Variants in ABCA9 observed in about 807,000 individuals in gnomAD.
ABCA9 encodes the protein ATP-binding cassette sub-family A member 9.
In ABCA9, 183 loss-of-function variants were observed where a neutral mutation model predicts 205.3. That is an observed-to-expected ratio of 0.89 (90% confidence interval 0.79 to 1.01). The LOEUF is 1.01. Ranked by LOEUF, ABCA9 falls within the 50% of genes least tolerant of loss-of-function variation. The pLI is 0.00. For missense variants in ABCA9, 1,805 were observed against 1,912.4 expected (o/e 0.94, Z 1.05); for synonymous variants, 651 against 683.3 (o/e 0.95, Z 0.74).
At chr17:69,015,220 C>T (rs1417203717) in intron 22 of ABCA9, among the ~76,000 whole-genome samples, 1 of 152,178 alleles carries the variant, frequency 6.6e-6, no homozygotes, top group East Asian at 1.9e-4. Context: ...CCACCCTCTT[C>T]CATGCCCCTT....
chr17:69,072,924 A>G, the ABCA9 span, among the ~76,000 whole-genome samples: 1 of 152,200 alleles, frequency 6.6e-6, no homozygotes. Flanking sequence ...AGCAAATGGA[A>G]AGCAAATAAA....
chr17:69,009,088 T>G (rs1196268570), intron 23 of ABCA9, among the ~76,000 whole-genome samples: 2 of 152,184 alleles, frequency 1.3e-5, no homozygotes, highest in Non-Finnish European at 2.9e-5. Flanking sequence ...AATATATATT[T>G]ACAGAATGTA....
chr17:69,051,056 C>A lies in ABCA9; in HGVS notation c.71G>T (p.Trp24Leu), dbSNP rs2071885691. 6.2e-7 allele frequency: 1 copy of A among 1,613,632 alleles called. No homozygotes were observed. Among genetic ancestry groups the A allele is most frequent in the Non-Finnish European group, 8.5e-7 (1 of 1,179,778 alleles). The change falls in exon 2 of 39, where the codon TGG (tryptophan) becomes TTG (leucine). Residue 24 changes from tryptophan to leucine, a missense_variant. By Grantham distance (61) the Trp-to-Leu change is moderately conservative. Coordinates refer to ENST00000340001, the MANE Select transcript of ABCA9 (RefSeq NM_080283.4). Reference sequence around the variant, plus strand: ...CAACAAGGTCTGTCTTTTCATTCTCCATTTTTTGAGACAGTTCTTGCAGAG... The same window carrying A: ...CAACAAGGTCTGTCTTTTCATTCTCAATTTTTTGAGACAGTTCTTGCAGAG... Reference protein sequence around the residue: ...ALLCKNCLKKWRMKRQTLLEW... With the variant: ...ALLCKNCLKKLRMKRQTLLEW...
chr17:68,992,061 G>T, intron 28 of ABCA9, 114 bp downstream of exon 28: 1 of 654,386 alleles, frequency 1.5e-6, no homozygotes, highest in Non-Finnish European at 2.5e-6. Context: ...GTATATCACA[G>T]TCTTTAAAAA....
intron 37 of ABCA9, among the ~76,000 whole-genome samples, chr17:68,980,928 T>TAA (rs57616315): frequency 3.7e-4 from 47 of 126,480 alleles, no homozygotes; most frequent in African/African-American, 1.2e-3. Context: ...ATAAAAAAAC[T>TAA]AAAAAAAAAA....
intron 25 of ABCA9, among the ~76,000 whole-genome samples, chr17:68,999,188 C>T (rs1242771833): frequency 6.7e-6 from 1 of 149,384 alleles, no homozygotes; most frequent in Non-Finnish European, 1.5e-5. Context: ...AGGTTAGTTA[C>T]ATACGTATAC....
chr17:69,049,436 A>G lies in ABCA9; in HGVS notation c.151T>C (p.Leu51=). ...VLFLYLFFSN[L]HQVHDTPQMS... ...TGAGGAGTGTCATGAACTTGATGTA[A>G]ATTGGAGAAAAATAGGTACAGAAAC... The change falls in exon 3 of 39, where the codon TTA becomes CTA. Residue 51 remains leucine (L), a synonymous_variant. Transcript: ENST00000340001. 6.2e-7 allele frequency: 1 copy of G among 1,613,246 alleles called. No homozygotes were observed. The highest frequency in any genetic ancestry group is 1.1e-5 in the South Asian group (1 of 91,050).
At chr17:69,027,599 C>T (rs1467847135) in intron 13 of ABCA9, 41 bp downstream of exon 13, 1 of 1,592,034 alleles carries the variant, frequency 6.3e-7, no homozygotes, top group East Asian at 2.2e-5. Context: ...GATAAACCGT[C>T]TCTTTTTTAT....
chr17:68,980,703 G>A (rs1016886719), intron 37 of ABCA9, among the ~76,000 whole-genome samples: 3 of 145,508 alleles, frequency 2.1e-5, no homozygotes, highest in Non-Finnish European at 4.5e-5. Flanking sequence ...TCATAGGTGA[G>A]AATTGAACAA....
At chr17:68,999,702 A>G (rs2069772118) in intron 25 of ABCA9, among the ~76,000 whole-genome samples, 1 of 152,162 alleles carries the variant, frequency 6.6e-6, no homozygotes, top group African/African-American at 2.4e-5. Context: ...GAATCGCCAC[A>G]CTGACTTCCA....
chr17:69,052,572 A>G (rs375593906), intron 1 of ABCA9, among the ~76,000 whole-genome samples: 8 of 152,198 alleles, frequency 5.3e-5, no homozygotes, highest in African/African-American at 1.9e-4. Flanking sequence ...GGAGAAAAAA[A>G]AGTCCACACC....
intron 27 of ABCA9, 42 bp downstream of exon 27, chr17:68,992,974 T>C: frequency 6.8e-7 from 1 of 1,471,310 alleles, no homozygotes; most frequent in Non-Finnish European, 9.5e-7. Context: ...ACAAAAGTTG[T>C]GTTCCCTCAT....
rs2069142223 is a variant in ABCA9 at position 68,983,869 on chromosome 17, AAAGTC to A, written c.4500-25_4500-21del. On this transcript the variant is annotated intron_variant, in intron 35 of 38. Coordinates refer to ENST00000340001, the MANE Select transcript of ABCA9 (RefSeq NM_080283.4). ...ATACATCTGAAGGTAACAGAAGGAT[AAAGTC>A]AAGCAAGAAAAGAGAAAAATGTATG... 1 of 1,613,912 alleles carries A rather than the reference AAAGTC, an allele frequency of 6.2e-7. No homozygotes were observed. Among genetic ancestry groups the A allele is most frequent in the Non-Finnish European group, 8.5e-7 (1 of 1,179,934 alleles).
chr17:68,984,858 C>T (rs2069176013), intron 34 of ABCA9, 27 bp downstream of exon 34: 2 of 1,613,954 alleles, frequency 1.2e-6, no homozygotes, highest in South Asian at 1.1e-5. Flanking sequence ...TACACTCATG[C>T]AGAGGTTGCT....
chr17:68,981,835 CAA>C (rs398041827), intron 37 of ABCA9, among the ~76,000 whole-genome samples: 3 of 51,640 alleles, frequency 5.8e-5, no homozygotes, highest in African/African-American at 2.7e-4. Flanking sequence ...AACTCTTTCT[CAA>C]AAAAAAAAAA....
In ABCA9 at chr17:68,989,031, C is replaced by T. The variant is rs759866501; in HGVS notation, c.4043G>A (p.Gly1348Glu). Reference sequence around the variant, plus strand: ...ATTCCTGTACGTTTTACTGACCTGTCCTGCAGTTGGTTTTGTGTCTCCAGT... The same window carrying T: ...ATTCCTGTACGTTTTACTGACCTGTTCTGCAGTTGGTTTTGTGTCTCCAGT... ...MITGDTKPTAGQVILKGSGGG... is the reference protein window; with the variant it reads ...MITGDTKPTAEQVILKGSGGG... Residue 1348 changes from glycine to glutamate, a missense_variant, in exon 31 of 39, where the codon GGA becomes GAA. Gly to Glu is a moderately conservative substitution (Grantham distance 98). Transcript: ENST00000340001. 2 of 1,603,606 alleles carry T rather than the reference C, an allele frequency of 1.2e-6. No homozygotes were observed. Among genetic ancestry groups the T allele is most frequent in the Non-Finnish European group, 1.7e-6 (2 of 1,170,836 alleles).
intron 1 of ABCA9, among the ~76,000 whole-genome samples, chr17:69,053,967 A>G (rs2071989310): frequency 6.6e-6 from 1 of 152,230 alleles, no homozygotes; most frequent in African/African-American, 2.4e-5. Context: ...ATAGAGGAGC[A>G]AAAATAAGAA....
At chr17:69,050,964 T>C in intron 2 of ABCA9, 67 bp downstream of exon 2, 3 of 1,438,122 alleles carry the variant, frequency 2.1e-6, no homozygotes, top group Non-Finnish European at 2.9e-6. Context: ...AAATAAAGTG[T>C]TTATGTTGCC....
intron 25 of ABCA9, among the ~76,000 whole-genome samples, chr17:69,007,420 G>T (rs573514093): frequency 2.8e-4 from 42 of 152,242 alleles, no homozygotes; most frequent in African/African-American, 9.6e-4. Context: ...AAGAAAAAAA[G>T]AAATGATGAA....
Sources: allele counts gnomAD v4.1 joint callset (sites outside exome capture counted in the v4.1 genomes callset), GRCh38; gene constraint gnomAD v4.1.1; transcripts MANE v1.5; gene names NCBI Gene and HGNC (gene_info 2026-07-23, HGNC 2026-07-21).